Variants in TOGARAM1 observed in about 807,000 individuals in gnomAD.
The protein encoded by TOGARAM1 is TOG array regulator of axonemal microtubules 1.
TOGARAM1 carries 100 observed loss-of-function variants against 166.6 expected under a neutral mutation model. That is an observed-to-expected ratio of 0.60 (90% confidence interval 0.51 to 0.71). The LOEUF is 0.71. TOGARAM1 is among the 30% of genes least tolerant of loss of function. The pLI, the probability that TOGARAM1 is intolerant of heterozygous loss-of-function variation, is 0.00. For missense variants in TOGARAM1, 2,029 were observed against 2,102.7 expected (o/e 0.96, Z 0.69); for synonymous variants, 758 against 763.8 (o/e 0.99, Z 0.13).
At chr14:45,056,954 A>C (rs1882669542) in intron 16 of TOGARAM1, among the ~76,000 whole-genome samples, 1 of 151,366 alleles carries the variant, frequency 6.6e-6, no homozygotes, top group Non-Finnish European at 1.5e-5. Flanking sequence ...TTATTTATTT[A>C]TTTATTTATT....
At chr14:45,003,599 G>A (rs1211718292) in intron 3 of TOGARAM1, among the ~76,000 whole-genome samples, 1 of 152,034 alleles carries the variant, frequency 6.6e-6, no homozygotes, top group Non-Finnish European at 1.5e-5. Flanking sequence ...TTGAGAGAAA[G>A]TAAAGCATGG....
At chr14:44,978,509 T>C (rs1202775084) in intron 1 of TOGARAM1, among the ~76,000 whole-genome samples, 5 of 152,130 alleles carry the variant, frequency 3.3e-5, no homozygotes, top group Non-Finnish European at 5.9e-5. Flanking sequence ...CAGTAGTTAC[T>C]AAAAGAAGAT....
At chr14:45,052,619 T>C (rs781144927) in intron 15 of TOGARAM1, 57 bp downstream of exon 15, 11 of 1,477,474 alleles carry the variant, frequency 7.4e-6, no homozygotes, top group Non-Finnish European at 1.0e-5. Flanking sequence ...TGTTTTTACA[T>C]CCAGGTAAAG....
chr14:44,998,874 A>T (rs1017948818), intron 2 of TOGARAM1, among the ~76,000 whole-genome samples: 1 of 152,166 alleles, frequency 6.6e-6, no homozygotes, highest in Non-Finnish European at 1.5e-5. Flanking sequence ...ACATATCTGG[A>T]TATGCTTAGA....
intron 1 of TOGARAM1, among the ~76,000 whole-genome samples, chr14:44,990,336 T>C (rs1887059302): frequency 6.6e-6 from 1 of 152,200 alleles, no homozygotes; most frequent in Non-Finnish European, 1.5e-5. Context: ...GCCAAGAATA[T>C]AGTTGCACAC....
At chr14:44,982,709 T>C (rs1285127408) in intron 1 of TOGARAM1, among the ~76,000 whole-genome samples, 2 of 152,202 alleles carry the variant, frequency 1.3e-5, no homozygotes, top group African/African-American at 2.4e-5. Context: ...CATCTGTCTT[T>C]TTAATCATCT....
chr14:45,025,585 G>C (rs1880787196), intron 7 of TOGARAM1, 198 bp from the exon 8 acceptor site: 1 of 408,968 alleles, frequency 2.4e-6, no homozygotes, highest in Non-Finnish European at 4.3e-6. Context: ...AAAAAGGAAA[G>C]GAAGGTTTAA....
intron 7 of TOGARAM1, among the ~76,000 whole-genome samples, chr14:45,015,668 T>C (rs186926032): frequency 6.6e-6 from 1 of 152,224 alleles, no homozygotes; most frequent in Admixed American, 6.5e-5. Flanking sequence ...TGCATTTTCT[T>C]CATTTAATCC....
intron 10 of TOGARAM1, 146 bp downstream of exon 10, chr14:45,028,475 T>G: frequency 1.3e-6 from 1 of 789,902 alleles, no homozygotes; most frequent in Non-Finnish European, 2.0e-6. Flanking sequence ...TTAATTAGCT[T>G]TGTGACCTGG....
chr14:44,973,715 TTC>T (rs1886029409), intron 1 of TOGARAM1, among the ~76,000 whole-genome samples: 1 of 151,620 alleles, frequency 6.6e-6, no homozygotes, highest in Admixed American at 6.6e-5. Flanking sequence ...TTCTTTCAAT[TTC>T]TGTTTGTCTG....
At chr14:45,007,917 A>G (rs1879558942) in intron 5 of TOGARAM1, 1 of 152,166 alleles carries the variant, frequency 6.6e-6, no homozygotes, top group African/African-American at 2.4e-5. Flanking sequence ...TGTCTTGCTC[A>G]GGGTCAGAAA....
intron 18 of TOGARAM1, 66 bp downstream of exon 18, chr14:45,068,709 A>G: frequency 7.8e-7 from 1 of 1,276,760 alleles, no homozygotes; most frequent in Non-Finnish European, 1.1e-6. Flanking sequence ...GATTCCATCC[A>G]TACTTTTTTT....
At position 45,015,633 on chromosome 14, in the gene TOGARAM1, T is replaced by G. The variant is rs182350814; in HGVS notation, c.3238+3558T>G. Among the ~76,000 whole-genome samples, 3 of 152,092 alleles carry G rather than the reference T, an allele frequency of 2.0e-5. No homozygotes were observed. The East Asian group carries it at 5.8e-4, about 29-fold the overall frequency. ...TAACATTTGGGTACTTAAAATGTGTTAGGCACTGTGCGGAGCCCTTTATAT... is the reference window on the plus strand; with the variant it reads ...TAACATTTGGGTACTTAAAATGTGTGAGGCACTGTGCGGAGCCCTTTATAT... On this transcript the variant is annotated intron_variant, in intron 7 of 19. Coordinates refer to ENST00000361462, the MANE Select transcript of TOGARAM1 (RefSeq NM_001308120.2).
intron 14 of TOGARAM1, among the ~76,000 whole-genome samples, chr14:45,048,229 G>C (rs540819887): frequency 9.5e-4 from 138 of 145,792 alleles, no homozygotes; most frequent in Non-Finnish European, 1.4e-3. Context: ...GCATGCGCCT[G>C]TAGTTCCAGC....
At chr14:45,028,687 C>T (rs1475189630) in intron 10 of TOGARAM1, among the ~76,000 whole-genome samples, 1 of 152,130 alleles carries the variant, frequency 6.6e-6, no homozygotes, top group Non-Finnish European at 1.5e-5. Flanking sequence ...GTCATTTATT[C>T]AGTCTATCCT....
chr14:45,014,177 C>T (rs1287420505), intron 7 of TOGARAM1, among the ~76,000 whole-genome samples: 1 of 151,822 alleles, frequency 6.6e-6, no homozygotes, highest in African/African-American at 2.4e-5. Flanking sequence ...TCCCAGGTAG[C>T]TGGGACTACA....
chr14:45,062,394 T>C (rs1882936793), intron 16 of TOGARAM1, among the ~76,000 whole-genome samples: 1 of 152,186 alleles, frequency 6.6e-6, no homozygotes, highest in Admixed American at 6.5e-5. Flanking sequence ...ATATTCTTTG[T>C]CCTGAAGTCT....
At chr14:45,051,374 A>G (rs1055772769) in intron 14 of TOGARAM1, among the ~76,000 whole-genome samples, 2 of 152,138 alleles carry the variant, frequency 1.3e-5, no homozygotes, top group South Asian at 4.2e-4. Flanking sequence ...CAAATGGTCA[A>G]TGGGCAAGGA....
intron 9 of TOGARAM1, 76 bp downstream of exon 9, chr14:45,027,550 G>A (rs1880925395): frequency 1.8e-6 from 2 of 1,129,472 alleles, no homozygotes; most frequent in African/African-American, 1.6e-5. Flanking sequence ...CAGATGTGGG[G>A]TGGTGAAAGT....
Sources: allele counts gnomAD v4.1 joint callset (sites outside exome capture counted in the v4.1 genomes callset), GRCh38; gene constraint gnomAD v4.1.1; transcripts MANE v1.5; gene names NCBI Gene and HGNC (gene_info 2026-07-23, HGNC 2026-07-21).